The following DTD1 variants were observed in gnomAD, a reference collection of about 807,000 sequenced individuals.
DTD1 encodes the protein D-aminoacyl-tRNA deacylase 1, also known as D-tyrosyl-tRNA deacylase 1 homolog.
In DTD1, 13 loss-of-function variants were observed where a neutral mutation model predicts 25.6. That is an observed-to-expected ratio of 0.51 (90% confidence interval 0.33 to 0.81). The LOEUF is 0.81. Among genes scored for constraint, DTD1 ranks in the 30% least tolerant of loss-of-function variants. DTD1 has a pLI of 0.02. For synonymous variants in DTD1, 110 were observed against 103.6 expected, an observed-to-expected ratio of 1.06 and a Z score of -0.37; for missense variants, 193 against 266.4, an observed-to-expected ratio of 0.72 and a Z score of 1.92.
intron 4 of DTD1, among the ~76,000 whole-genome samples, chr20:18,737,267 C>T (rs1040319721): frequency 7.6e-6 from 1 of 132,302 alleles, no homozygotes; most frequent in African/African-American, 2.7e-5. Context: ...CACGGTGTGC[C>T]TGGGAGTGAG....
chr20:18,682,343 T>C (rs539990948), intron 4 of DTD1, among the ~76,000 whole-genome samples: 2 of 152,268 alleles, frequency 1.3e-5, no homozygotes, highest in Non-Finnish European at 2.9e-5. Context: ...GACATTGTGC[T>C]GTAAACTGTG....
chr20:18,754,761 G>A (rs2061332710), intron 5 of DTD1, among the ~76,000 whole-genome samples: 1 of 152,204 alleles, frequency 6.6e-6, no homozygotes. Context: ...AAGAAAATAG[G>A]AAGAGACATC....
At chr20:18,643,504 C>A in intron 4 of DTD1, 1 of 165,458 alleles carries the variant, frequency 6.0e-6, no homozygotes, top group South Asian at 1.5e-4. Context: ...ATAGCATAAT[C>A]TGAGTAAAGT....
At chr20:18,593,856 G>A in intron 2 of DTD1, 35 bp downstream of exon 2, 1 of 1,555,952 alleles carries the variant, frequency 6.4e-7, no homozygotes, top group East Asian at 2.3e-5. Flanking sequence ...GTTTGAGTGG[G>A]CTATGTGGTG....
intron 4 of DTD1, among the ~76,000 whole-genome samples, chr20:18,733,895 C>T (rs1470400078): frequency 6.6e-6 from 1 of 152,128 alleles, no homozygotes; most frequent in East Asian, 1.9e-4. Flanking sequence ...AATGCAATGC[C>T]ACCACTGACA....
intron 3 of DTD1, among the ~76,000 whole-genome samples, chr20:18,599,472 G>A (rs946431035): frequency 1.3e-5 from 2 of 152,208 alleles, no homozygotes; most frequent in African/African-American, 2.4e-5. Flanking sequence ...ACCATGCCTG[G>A]CCAAACATCT....
intron 4 of DTD1, among the ~76,000 whole-genome samples, chr20:18,645,816 T>C (rs571308733): frequency 2.6e-4 from 40 of 152,324 alleles, no homozygotes; most frequent in African/African-American, 7.9e-4. Flanking sequence ...TGGGTTCCTT[T>C]TTCATAGTGT....
chr20:18,629,318 T>TTTTTTTA (rs2060773698), intron 4 of DTD1, among the ~76,000 whole-genome samples: 1 of 120,602 alleles, frequency 8.3e-6, no homozygotes. Context: ...TTTTTTTTTT[T>TTTTTTTA]GAGACAGGGT....
chr20:18,593,559 T>TA (rs1342737141), intron 1 of DTD1, among the ~76,000 whole-genome samples, 172 bp from the exon 2 acceptor site: 2 of 152,236 alleles, frequency 1.3e-5, no homozygotes, highest in East Asian at 3.8e-4. Context: ...TGGGAATTAT[T>TA]ATCATCTCAC....
intron 4 of DTD1, among the ~76,000 whole-genome samples, chr20:18,703,532 C>T (rs1388917383): frequency 6.6e-6 from 1 of 151,882 alleles, no homozygotes; most frequent in Non-Finnish European, 1.5e-5. Context: ...ATAATCCTCC[C>T]AGGTTGTCAT....
chr20:18,632,862 C>CCATGTG (rs996863781), intron 4 of DTD1, among the ~76,000 whole-genome samples: 1 of 151,532 alleles, frequency 6.6e-6, no homozygotes, highest in Non-Finnish European at 1.5e-5. Flanking sequence ...ATGTGTGTGC[C>CCATGTG]CATGTGCATG....
intron 4 of DTD1, among the ~76,000 whole-genome samples, chr20:18,708,221 A>AT (rs2061136429): frequency 6.1e-4 from 3 of 4,922 alleles, no homozygotes; most frequent in Non-Finnish European, 1.6e-3. Flanking sequence ...TATATATAAT[A>AT]TATATATATT....
rs775596161 is a variant in DTD1 at position 18,763,643 on chromosome 20, A to G, written c.*303A>G. 3.9e-5 allele frequency: 6 copies of G among 152,654 alleles called. No individual in the cohort carries two copies. The highest frequency in any genetic ancestry group is 8.8e-5 in the Non-Finnish European group (6 of 68,058). The allele number at this position is 152,654 out of a possible 1,614,324, so 9.5% of individuals were successfully genotyped here. ...CAGAAAGGCTTTGTTGGTTTCTACC[A>G]CATCTTGGCTTGCTTTTGGAACAGG... is the stretch of plus-strand genomic sequence containing the variant. On this transcript the variant is annotated 3_prime_UTR_variant, in exon 6 of 6. Transcript: ENST00000377452.
At chr20:18,660,544 A>G (rs2122370696) in intron 4 of DTD1, among the ~76,000 whole-genome samples, 1 of 152,298 alleles carries the variant, frequency 6.6e-6, no homozygotes, top group South Asian at 2.1e-4. Flanking sequence ...TTTATTTAGC[A>G]AAGCAGAAAC....
intron 4 of DTD1, among the ~76,000 whole-genome samples, chr20:18,661,651 G>A (rs1269406859): frequency 2.6e-5 from 4 of 152,108 alleles, no homozygotes; most frequent in East Asian, 1.9e-4. Context: ...GATTAGAGGC[G>A]TGAGCCACTG....
chr20:18,588,219 C>G (rs2060573897), intron 1 of DTD1, 104 bp downstream of exon 1: 2 of 1,084,696 alleles, frequency 1.8e-6, no homozygotes, highest in East Asian at 6.9e-5. Flanking sequence ...CCGCTGCGGC[C>G]CCTCCGCGAG....
intron 4 of DTD1, among the ~76,000 whole-genome samples, chr20:18,722,906 C>T (rs530339065): frequency 2.0e-5 from 3 of 152,006 alleles, no homozygotes; most frequent in African/African-American, 7.2e-5. Context: ...TTTTCTGGAC[C>T]TAAAACACAC....
intron 3 of DTD1, 135 bp downstream of exon 3, chr20:18,596,376 C>A: frequency 1.4e-6 from 1 of 694,092 alleles, no homozygotes; most frequent in Non-Finnish European, 2.4e-6. Flanking sequence ...GAACCACATA[C>A]TAGCTGCTGC....
chr20:18,754,641 T>G lies in DTD1; in HGVS notation c.*20-8719T>G, dbSNP rs73601846. Among the ~76,000 whole-genome samples, 113 of 152,338 alleles carry G rather than the reference T, an allele frequency of 7.4e-4. 1 individual carries two copies. The East Asian group carries it at 0.019, about 26-fold the overall frequency. ...TAATTTGGCAGATGGACCTCACAGA[T>G]AGCTCACTCCCACCTTCCTCATTCA... On this transcript the variant is annotated intron_variant, in intron 5 of 5. Transcript: ENST00000377452.
Sources: allele counts gnomAD v4.1 joint callset (sites outside exome capture counted in the v4.1 genomes callset), GRCh38; gene constraint gnomAD v4.1.1; transcripts MANE v1.5; gene names NCBI Gene and HGNC (gene_info 2026-07-23, HGNC 2026-07-21).